MAST4: variants seen among roughly 807,000 people sequenced by gnomAD.
The protein encoded by MAST4 is microtubule associated serine/threonine kinase family member 4, also known as microtubule-associated serine/threonine-protein kinase 4.
MAST4 carries 89 observed loss-of-function variants against 162.7 expected under a neutral mutation model. That is an observed-to-expected ratio of 0.55 (90% CI 0.46 to 0.65). MAST4 has a LOEUF of 0.65. Among genes scored for constraint, MAST4 ranks in the 30% least tolerant of loss-of-function variants. The pLI, the probability that MAST4 is intolerant of heterozygous loss-of-function variation, is 0.00. For missense variants in MAST4, 3,153 were observed against 3,374.0 expected (o/e 0.93, Z 1.62); for synonymous variants, 1,479 against 1,361.1 (o/e 1.09, Z -1.91).
chr5:66,908,945 T>A (rs1763560001), intron 4 of MAST4, among the ~76,000 whole-genome samples: 1 of 152,216 alleles, frequency 6.6e-6, no homozygotes, highest in Non-Finnish European at 1.5e-5. Context: ...AATTAATATT[T>A]GTAAAGTGTT....
intron 1 of MAST4, among the ~76,000 whole-genome samples, chr5:66,668,202 T>A (rs1747381277): frequency 6.6e-6 from 1 of 152,228 alleles, no homozygotes; most frequent in Admixed American, 6.5e-5. Flanking sequence ...TAATTAGATA[T>A]CAATACCTAT....
chr5:66,679,572 C>T (rs541332660), intron 1 of MAST4, among the ~76,000 whole-genome samples: 32 of 152,268 alleles, frequency 2.1e-4, no homozygotes, highest in African/African-American at 7.5e-4. Flanking sequence ...CATTTGTATA[C>T]TCTCACCTCT....
chr5:67,028,783 G>T (rs1283483590), intron 4 of MAST4, among the ~76,000 whole-genome samples: 1 of 152,092 alleles, frequency 6.6e-6, no homozygotes, highest in African/African-American at 2.4e-5. Context: ...AAGTGGAGAT[G>T]CTGGATATGT....
intron 1 of MAST4, among the ~76,000 whole-genome samples, chr5:66,753,663 C>T (rs1239329736): frequency 2.6e-5 from 4 of 151,332 alleles, no homozygotes; most frequent in South Asian, 2.1e-4. Context: ...TAATCAATAG[C>T]TTACCAACCA....
chr5:66,910,928 A>G (rs920099727), intron 4 of MAST4, among the ~76,000 whole-genome samples: 7 of 151,852 alleles, frequency 4.6e-5, no homozygotes, highest in Admixed American at 2.6e-4. Flanking sequence ...TTGTATTTTT[A>G]GTAGAGACAG....
rs762657729 is a variant in MAST4, at chr5:66,775,861, G to C, written c.518-12809G>C. Among the ~76,000 whole-genome samples, 191 of 152,240 alleles carry C rather than the reference G, an allele frequency of 1.3e-3. 4 individuals carry two copies. The highest frequency in any genetic ancestry group is 2.6e-4 in the Non-Finnish European group (18 of 68,010). The stretch of plus-strand genomic sequence containing the variant: ...TAGTATTTTTGAGGAAATATTTTAT[G>C]ATTGTGCTCTAGGTTTCTTGCTTAT... On this transcript the variant is annotated intron_variant, in intron 2 of 28. Transcript: ENST00000403625.
At chr5:67,002,123 C>T (rs1446499909) in intron 4 of MAST4, 1 of 152,070 alleles carries the variant, frequency 6.6e-6, no homozygotes, top group Non-Finnish European at 1.5e-5. Flanking sequence ...AGGGAATTCC[C>T]CTTGAGTTTG....
intron 1 of MAST4, among the ~76,000 whole-genome samples, chr5:66,606,721 C>A (rs935469787): frequency 6.6e-6 from 1 of 152,100 alleles, no homozygotes; most frequent in Non-Finnish European, 1.5e-5. Context: ...CAGGTGGAAA[C>A]CATGTCATAT....
chr5:66,834,619 G>A (rs1757835138), intron 3 of MAST4, among the ~76,000 whole-genome samples: 2 of 152,162 alleles, frequency 1.3e-5, no homozygotes, highest in South Asian at 4.1e-4. Flanking sequence ...GCAAGCCAAA[G>A]TCAGTGTTCA....
At chr5:66,657,244 A>G (rs564948345) in intron 1 of MAST4, among the ~76,000 whole-genome samples, 57 of 151,854 alleles carry the variant, frequency 3.8e-4, no homozygotes, top group African/African-American at 1.3e-3. Context: ...AGCCTAAATC[A>G]ATAGCCTATC....
chr5:66,823,628 T>C (rs1757099629), intron 3 of MAST4, among the ~76,000 whole-genome samples: 1 of 152,052 alleles, frequency 6.6e-6, no homozygotes, highest in Non-Finnish European at 1.5e-5. Flanking sequence ...CAGGTGTGTG[T>C]GCTGCCACAT....
intron 4 of MAST4, among the ~76,000 whole-genome samples, chr5:66,950,449 A>G (rs990153067): frequency 3.9e-5 from 6 of 152,116 alleles, no homozygotes; most frequent in Admixed American, 3.3e-4. Context: ...GTCTCTGACA[A>G]TAGCCATTCC....
chr5:67,117,693 T>G (rs1223388618), intron 12 of MAST4, among the ~76,000 whole-genome samples: 1 of 152,106 alleles, frequency 6.6e-6, no homozygotes, highest in African/African-American at 2.4e-5. Context: ...ATCCTATCAC[T>G]CAGATAAGAC....
intron 5 of MAST4, among the ~76,000 whole-genome samples, chr5:67,088,147 T>C (rs995348051): frequency 6.6e-6 from 1 of 152,236 alleles, no homozygotes; most frequent in Admixed American, 6.5e-5. Context: ...GTCAATTCTT[T>C]GTTTCTTCTT....
intron 4 of MAST4, among the ~76,000 whole-genome samples, chr5:66,951,223 C>A (rs1369941982): frequency 6.6e-6 from 1 of 152,202 alleles, no homozygotes; most frequent in Admixed American, 6.5e-5. Flanking sequence ...CAGGTTGTAT[C>A]ACTTGGTAAT....
chr5:66,810,277 G>A (rs1756412474), intron 3 of MAST4, among the ~76,000 whole-genome samples: 1 of 152,154 alleles, frequency 6.6e-6, no homozygotes, highest in Non-Finnish European at 1.5e-5. Context: ...AGTTCTCACT[G>A]GCTTAACATA....
Position 66,596,609 on chromosome 5 carries a change from G to A in MAST4, c.-47G>A. The A allele has an allele frequency of 2.2e-6, 3 of 1,387,526 alleles. No individual in the cohort carries two copies. The highest frequency in any genetic ancestry group is 1.7e-5 in the South Asian group (1 of 57,806). 86.0% of individuals were successfully genotyped at this position (1,387,526 alleles called of 1,614,324 possible). A position where few individuals can be genotyped will look rare whatever the true frequency, so the allele number is the denominator to read the frequency against. On this transcript the variant is annotated 5_prime_UTR_variant, in exon 1 of 29. Coordinates refer to ENST00000403625, the MANE Select transcript of MAST4 (RefSeq NM_001164664.2). ...GTCTTCCCCGGGAGGCGCTGAGTGC[G>A]CGCCGCGCCCCCGCCGCTCGGGAGG... is the stretch of plus-strand genomic sequence containing the variant.
chr5:66,866,733 ACT>A (rs1420236962), intron 3 of MAST4, among the ~76,000 whole-genome samples: 1 of 151,298 alleles, frequency 6.6e-6, no homozygotes, highest in Non-Finnish European at 1.5e-5. Context: ...CAGAATTAAA[ACT>A]CTTTTTTATG....
intron 18 of MAST4, among the ~76,000 whole-genome samples, chr5:67,136,324 T>TAG (rs1392255875): frequency 6.6e-6 from 1 of 152,260 alleles, no homozygotes; most frequent in Admixed American, 6.5e-5. Flanking sequence ...TATTGAAATA[T>TAG]TCTCTTCCTA....
Sources: allele counts gnomAD v4.1 joint callset (sites outside exome capture counted in the v4.1 genomes callset), GRCh38; gene constraint gnomAD v4.1.1; transcripts MANE v1.5; gene names NCBI Gene and HGNC (gene_info 2026-07-23, HGNC 2026-07-21).